SMAD4: variants seen among roughly 807,000 people sequenced by gnomAD.
SMAD4 encodes the protein MAD homolog 4.
Under a neutral mutation model 63.2 loss-of-function variants are expected in SMAD4, and 7 were observed. The observed-to-expected ratio is 0.11, with a 90% CI of 0.06 to 0.21. The LOEUF is 0.21. SMAD4 is among the 10% of genes least tolerant of loss of function. The pLI, the probability that SMAD4 is intolerant of heterozygous loss-of-function variation, is 1.00. For missense variants in SMAD4, 312 were observed against 693.8 expected (o/e 0.45, Z 6.18); for synonymous variants, 215 against 235.4 (o/e 0.91, Z 0.79).
At position 51,041,496 on chromosome 18, in the gene SMAD4, A is replaced by G. The variant is rs77310957; in HGVS notation, c.-127-5424A>G. Among the ~76,000 whole-genome samples the G allele has an allele frequency of 3.4e-3, 515 of 152,278 alleles. 6 individuals carry two copies. The East Asian group carries it at 0.043, about 13-fold the overall frequency. On this transcript the variant is annotated intron_variant, in intron 1 of 11. Transcript: ENST00000342988. ...CGTGTTGTCCAGTGCATTGCAGGGT[A>G]TTTAGCAGCAACCATGGCCTTTAGC...
intron 10 of SMAD4, among the ~76,000 whole-genome samples, chr18:51,071,770 A>G (rs1038111260): frequency 7.2e-5 from 11 of 152,148 alleles, no homozygotes; most frequent in South Asian, 2.1e-4. Context: ...CCTTTTAACT[A>G]TCACCCCCAA....
In SMAD4 at chr18:51,067,170, C is replaced by A. The variant is rs2144452837; in HGVS notation, c.1291C>A (p.Pro431Thr). 6.3e-7 allele frequency: 1 copy of A among 1,586,274 alleles called. No homozygotes were observed. Among genetic ancestry groups the A allele is most frequent in the Non-Finnish European group, 8.7e-7 (1 of 1,155,214 alleles). ...APGDAVHKIY[P>T]SAYIKVFDLR... ...TGGAGATGCTGTTCATAAGATCTAC[C>A]CAAGTGCATATATAAAGGTTAGTTA... The change falls in exon 10 of 12, where the codon CCA becomes ACA. Residue 431 changes from proline (P) to threonine (T), a missense_variant. Pro to Thr is a conservative substitution (Grantham distance 38, BLOSUM62 -1). This residue lies in a region of SMAD4 where 92 missense variants were observed against 305.9 expected (regional missense o/e 0.30). Coordinates refer to ENST00000342988, the MANE Select transcript of SMAD4 (RefSeq NM_005359.6).
chr18:51,062,110 G>A (rs2427779), intron 8 of SMAD4, among the ~76,000 whole-genome samples: 9,186 of 152,216 alleles, frequency 0.06, 856 homozygotes, highest in African/African-American at 0.19. Flanking sequence ...TCTGGTTAGG[G>A]AAAAGGTGAT....
chr18:51,046,081 G>A (rs1909534452), intron 1 of SMAD4, among the ~76,000 whole-genome samples: 1 of 152,138 alleles, frequency 6.6e-6, no homozygotes, highest in African/African-American at 2.4e-5. Flanking sequence ...GAACATTCAT[G>A]TACAGGTTTG....
intron 5 of SMAD4, 81 bp from the exon 6 acceptor site, chr18:51,058,044 A>G: frequency 6.5e-7 from 1 of 1,526,772 alleles, no homozygotes; most frequent in South Asian, 1.1e-5. Flanking sequence ...TTATCAGATA[A>G]AATTGGTCCT....
chr18:51,042,283 GCCTGCCTCCCTCCCTCCTTC>G (rs1909405707), intron 1 of SMAD4, among the ~76,000 whole-genome samples: 5 of 144,506 alleles, frequency 3.5e-5, no homozygotes, highest in African/African-American at 1.3e-4. Context: ...TTTCTTGCCT[GCCTGCCTCCCTCCCTCCTTC>G]CCTCCCTCCC....
intron 1 of SMAD4, among the ~76,000 whole-genome samples, chr18:51,034,366 C>T (rs919120835): frequency 6.6e-6 from 1 of 152,068 alleles, no homozygotes; most frequent in African/African-American, 2.4e-5. Flanking sequence ...CCTGCCTCAG[C>T]CTCCCGAGTA....
intron 1 of SMAD4, among the ~76,000 whole-genome samples, chr18:51,034,837 C>T (rs774481608): frequency 1.2e-4 from 18 of 152,194 alleles, no homozygotes; most frequent in African/African-American, 4.3e-4. Flanking sequence ...TGAGCCACCA[C>T]GCCTGGCAAG....
chr18:51,049,283 T>G lies in SMAD4; in HGVS notation c.425-12T>G, dbSNP rs2144407439. 1 of 1,554,144 alleles carries G rather than the reference T, an allele frequency of 6.4e-7. No individual in the cohort carries two copies. Among genetic ancestry groups the G allele is most frequent in the Non-Finnish European group, 8.9e-7 (1 of 1,126,770 alleles). Reference sequence around the variant, plus strand: ...TTAATGTTTCATTTGTTTTCCCCTTTAAACAATTAAGATCTCTCAGGATTA... The same window carrying G: ...TTAATGTTTCATTTGTTTTCCCCTTGAAACAATTAAGATCTCTCAGGATTA... On this transcript the variant is annotated splice_polypyrimidine_tract_variant and intron_variant, in intron 3 of 11. Coordinates refer to ENST00000342988, the MANE Select transcript of SMAD4 (RefSeq NM_005359.6).
rs1599208084 is a variant in SMAD4 at position 51,081,564 on chromosome 18, T to A, written c.*3097T>A. ...CATTCCTCCTGTGAACAGTGCAGAT[T>A]TACAGGTTGCATGGTCTGGCTTAAG... On this transcript the variant is annotated 3_prime_UTR_variant, in exon 12 of 12. Coordinates refer to ENST00000342988, the MANE Select transcript of SMAD4 (RefSeq NM_005359.6). 8.6e-6 allele frequency: 2 copies of A among 232,424 alleles called. No individual in the cohort carries two copies. Among genetic ancestry groups the A allele is most frequent in the Non-Finnish European group, 1.7e-5 (2 of 117,540 alleles). The allele number at this position is 232,424 out of a possible 1,614,324, so 14.4% of individuals were successfully genotyped here. A position where few individuals can be genotyped will look rare whatever the true frequency, so the allele number is the denominator to read the frequency against.
intron 10 of SMAD4, among the ~76,000 whole-genome samples, chr18:51,073,851 T>C (rs1246734985): frequency 6.6e-6 from 1 of 151,954 alleles, no homozygotes; most frequent in Non-Finnish European, 1.5e-5. Context: ...GCGAGAACTT[T>C]TAAGATACAA....
chr18:51,043,135 TA>T (rs1285334191), intron 1 of SMAD4, among the ~76,000 whole-genome samples: 1 of 152,228 alleles, frequency 6.6e-6, no homozygotes, highest in African/African-American at 2.4e-5. Flanking sequence ...TATGTTTAAG[TA>T]GTTTAGAATT....
chr18:51,074,029 C>A (rs1212112619), intron 10 of SMAD4, among the ~76,000 whole-genome samples: 3 of 151,866 alleles, frequency 2.0e-5, no homozygotes, highest in Non-Finnish European at 4.4e-5. Flanking sequence ...TCCAAAATTA[C>A]AAAGAACTCT....
chr18:51,075,257 T>A (rs1254550640), intron 10 of SMAD4, among the ~76,000 whole-genome samples: 1 of 152,204 alleles, frequency 6.6e-6, no homozygotes, highest in African/African-American at 2.4e-5. Flanking sequence ...AATACCATGG[T>A]TGAAGATGAT....
chr18:51,055,571 A>G (rs1207762590), intron 5 of SMAD4, among the ~76,000 whole-genome samples: 3 of 151,732 alleles, frequency 2.0e-5, no homozygotes, highest in Non-Finnish European at 2.9e-5. Flanking sequence ...CTTTTCTGCC[A>G]TGTCATAGGA....
intron 1 of SMAD4, among the ~76,000 whole-genome samples, chr18:51,040,464 A>G (rs1438740286): frequency 1.3e-5 from 2 of 152,180 alleles, no homozygotes; most frequent in African/African-American, 4.8e-5. Flanking sequence ...AAATATTCCC[A>G]TAGTAAGTAG....
In SMAD4 at chr18:51,078,736, A is replaced by G. The variant is rs1910535280; in HGVS notation, c.*269A>G. ...ATTCTTCACCTGTTATGTATGAAGG[A>G]ATCATTCCAGTGCTAGAAAATTTAG... On this transcript the variant is annotated 3_prime_UTR_variant, in exon 12 of 12. Transcript: ENST00000342988. The G allele has an allele frequency of 2.3e-6, 1 of 442,670 alleles. No individual in the cohort carries two copies. Among genetic ancestry groups the G allele is most frequent in the South Asian group, 3.9e-5 (1 of 25,636 alleles). 27.4% of individuals were successfully genotyped at this position (442,670 alleles called of 1,614,324 possible). A position where few individuals can be genotyped will look rare whatever the true frequency, so the allele number is the denominator to read the frequency against.
chr18:51,046,979 T>C lies in SMAD4; in HGVS notation c.-68T>C. The stretch of plus-strand genomic sequence containing the variant: ...CAACGTTAGCTGTTGTTTTTCACTG[T>C]TTCCAAAGGATCAAAATTGCTTCAG... On this transcript the variant is annotated 5_prime_UTR_variant, in exon 2 of 12. Transcript: ENST00000342988. The C allele has an allele frequency of 6.8e-7, 1 of 1,480,082 alleles. No homozygotes were observed. The allele number at this position is 1,480,082 out of a possible 1,614,324, so 91.7% of individuals were successfully genotyped here. A position where few individuals can be genotyped will look rare whatever the true frequency, so the allele number is the denominator to read the frequency against.
At chr18:51,077,900 A>C (rs1320977684) in intron 11 of SMAD4, among the ~76,000 whole-genome samples, 1 of 152,210 alleles carries the variant, frequency 6.6e-6, no homozygotes, top group Non-Finnish European at 1.5e-5. Context: ...TTTAGACAGT[A>C]AGGTTTTTAG....
Sources: allele counts gnomAD v4.1 joint callset (sites outside exome capture counted in the v4.1 genomes callset), GRCh38; gene constraint gnomAD v4.1.1; regional missense constraint gnomAD v4.1.1; transcripts MANE v1.5; gene names NCBI Gene and HGNC (gene_info 2026-07-23, HGNC 2026-07-21).